PCDH7: variants seen among roughly 807,000 people sequenced by gnomAD.
PCDH7 encodes the protein protocadherin-7.
In PCDH7, 17 loss-of-function variants were observed where a neutral mutation model predicts 58.9. The observed-to-expected ratio is 0.29, with a 90% CI of 0.20 to 0.43. The LOEUF is 0.43. Ranked by LOEUF, PCDH7 falls within the 20% of genes least tolerant of loss-of-function variation. PCDH7 has a pLI of 1.00. For synonymous variants in PCDH7, 664 were observed against 616.4 expected (o/e 1.08, Z -1.14); for missense variants, 1,274 against 1,441.0 (o/e 0.88, Z 1.88).
chr4:30,996,943 A>G (rs1419153326), intron 3 of PCDH7, among the ~76,000 whole-genome samples: 20 of 152,228 alleles, frequency 1.3e-4, no homozygotes, highest in Admixed American at 1.1e-3. Flanking sequence ...TGATTTAACT[A>G]GACTTAGGAA....
chr4:30,857,436 T>C (rs1163110320), intron 1 of PCDH7, among the ~76,000 whole-genome samples: 1 of 152,124 alleles, frequency 6.6e-6, no homozygotes, highest in Non-Finnish European at 1.5e-5. Flanking sequence ...AAGTTAACTT[T>C]TAATGTGGAG....
intron 1 of PCDH7, among the ~76,000 whole-genome samples, chr4:30,899,297 G>A (rs570883391): frequency 1.3e-5 from 2 of 152,276 alleles, no homozygotes; most frequent in East Asian, 3.9e-4. Flanking sequence ...GTAAGGTATT[G>A]CTGTATTCCA....
At chr4:30,862,380 T>C (rs1578084459) in intron 1 of PCDH7, among the ~76,000 whole-genome samples, 1 of 152,164 alleles carries the variant, frequency 6.6e-6, no homozygotes, top group African/African-American at 2.4e-5. Flanking sequence ...CAGAAAACTC[T>C]CTTGCCATTA....
intron 3 of PCDH7, among the ~76,000 whole-genome samples, chr4:30,987,992 T>C (rs566337215): frequency 6.6e-6 from 1 of 152,268 alleles, no homozygotes; most frequent in South Asian, 2.1e-4. Context: ...AAGATGAGAC[T>C]GAGCTAAGGC....
rs1750336574 is a variant in PCDH7 at position 30,979,209 on chromosome 4, C to T, written c.*7+28994C>T. ...GGCGTGGTGGTGGGTGCCCGTAGTC[C>T]CAGATGCTTGGGAGGCTGAAGCAGG... is the stretch of plus-strand genomic sequence containing the variant. On this transcript the variant is annotated intron_variant, in intron 3 of 3. Transcript: ENST00000509759. 1.3e-5 allele frequency among the ~76,000 whole-genome samples: 2 copies of T among 151,444 alleles called. 1 individual carries two copies. The highest frequency in any genetic ancestry group is 6.8e-3 in the Middle Eastern group (2 of 294).
chr4:30,723,024 G>C lies in PCDH7; in HGVS notation c.1602G>C (p.Met534Ile), dbSNP rs373707084. ...GAGACACCAACGACAACCCGCCCAT[G>C]TTCGGCCAGTCGGTGGTGGAGGTTT... Residue 534 changes from methionine to isoleucine, a missense_variant, in exon 1 of 2, where the codon ATG becomes ATC. Transcript: ENST00000361762. This position sits in a 1 kb window ranked among gnomAD's most constrained non-coding sequence, Gnocchi z 4.6. 4 of 1,613,916 alleles carry C rather than the reference G, an allele frequency of 2.5e-6. No homozygotes were observed. Among genetic ancestry groups the C allele is most frequent in the Non-Finnish European group, 2.5e-6 (3 of 1,180,044 alleles).
chr4:30,790,210 T>G (rs1164740611), intron 1 of PCDH7, among the ~76,000 whole-genome samples: 2 of 152,244 alleles, frequency 1.3e-5, no homozygotes, highest in African/African-American at 4.8e-5. Context: ...CTTTTGAAAC[T>G]TAAGTTACTG....
At chr4:31,024,411 G>A (rs1441802656) in intron 3 of PCDH7, among the ~76,000 whole-genome samples, 1 of 151,990 alleles carries the variant, frequency 6.6e-6, no homozygotes, top group East Asian at 1.9e-4. Flanking sequence ...AAATATATTA[G>A]GCTCTCCTTA....
intron 3 of PCDH7, among the ~76,000 whole-genome samples, chr4:31,083,005 G>A (rs576574166): frequency 2.0e-5 from 3 of 152,166 alleles, no homozygotes; most frequent in African/African-American, 7.2e-5. Context: ...CTACTCGGGA[G>A]GCTGAGGCAG....
intron 1 of PCDH7, among the ~76,000 whole-genome samples, chr4:30,856,628 T>C (rs945499712): frequency 2.6e-5 from 4 of 151,500 alleles, no homozygotes; most frequent in Admixed American, 2.6e-4. Context: ...CTATTCATGC[T>C]TAGGAAAATA....
At chr4:31,001,243 C>A (rs1752340102) in intron 3 of PCDH7, among the ~76,000 whole-genome samples, 1 of 151,892 alleles carries the variant, frequency 6.6e-6, no homozygotes, top group African/African-American at 2.4e-5. Flanking sequence ...TAATTTGATT[C>A]CCAATACATA....
intron 1 of PCDH7, among the ~76,000 whole-genome samples, chr4:30,865,052 G>A (rs1241081075): frequency 1.3e-5 from 2 of 151,938 alleles, no homozygotes; most frequent in Non-Finnish European, 1.5e-5. Flanking sequence ...CTGATAAACG[G>A]TCTAACACTG....
chr4:30,989,200 T>C (rs960453955), intron 3 of PCDH7, among the ~76,000 whole-genome samples: 2 of 152,144 alleles, frequency 1.3e-5, no homozygotes, highest in Non-Finnish European at 2.9e-5. Flanking sequence ...TTGATAAAGT[T>C]GAAGAGATTT....
At chr4:30,811,075 G>T (rs1726932076) in intron 1 of PCDH7, among the ~76,000 whole-genome samples, 1 of 152,126 alleles carries the variant, frequency 6.6e-6, no homozygotes, top group Non-Finnish European at 1.5e-5. Flanking sequence ...ACGGATTATT[G>T]CTATTTGTCC....
chr4:31,016,705 G>C (rs1218295761), intron 3 of PCDH7, among the ~76,000 whole-genome samples: 1 of 152,104 alleles, frequency 6.6e-6, no homozygotes, highest in Non-Finnish European at 1.5e-5. Flanking sequence ...CCATTTGTAG[G>C]ATAATTTCAT....
chr4:31,014,203 G>A (rs1294935510), intron 3 of PCDH7, among the ~76,000 whole-genome samples: 2 of 151,016 alleles, frequency 1.3e-5, no homozygotes, highest in African/African-American at 4.8e-5. Flanking sequence ...AGAGGGGTCA[G>A]GGAAACAGAA....
intron 1 of PCDH7, among the ~76,000 whole-genome samples, chr4:30,911,546 A>G (rs1245050374): frequency 6.6e-6 from 1 of 152,168 alleles, no homozygotes; most frequent in Non-Finnish European, 1.5e-5. Context: ...ACCTAAATTG[A>G]ATGATTGTGT....
chr4:30,988,611 G>A (rs1221657802), intron 3 of PCDH7, among the ~76,000 whole-genome samples: 2 of 152,122 alleles, frequency 1.3e-5, no homozygotes, highest in African/African-American at 4.8e-5. Flanking sequence ...TCAAGGCCGA[G>A]TTAGTTTTGT....
chr4:31,056,488 A>AGAAG (rs1757222600), intron 3 of PCDH7, among the ~76,000 whole-genome samples: 1 of 136,668 alleles, frequency 7.3e-6, no homozygotes, highest in South Asian at 2.8e-4. Context: ...AAAGAAAGAA[A>AGAAG]GAAAGAAAGA....
Sources: gnomAD v4.1 joint callset for allele counts (sites outside exome capture counted in the v4.1 genomes callset) on GRCh38, gnomAD v4.1.1 for gene constraint, Gnocchi (gnomAD v3.1) non-coding constraint, MANE v1.5 for transcripts, NCBI Gene and HGNC (gene_info 2026-07-23, HGNC 2026-07-21) for gene names.